Variants in ANKRD30A observed in about 807,000 individuals in gnomAD.
ANKRD30A encodes the protein ankyrin repeat domain-containing protein 30A.
ANKRD30A carries 170 observed loss-of-function variants against 166.3 expected under a neutral mutation model. That is an observed-to-expected ratio of 1.02 (90% confidence interval 0.90 to 1.16). The LOEUF (loss-of-function observed/expected upper bound fraction) is 1.16, where lower values mean the gene tolerates loss of function less well. Among genes scored for constraint, ANKRD30A ranks in the 50% most tolerant of loss-of-function variants. The pLI is 0.00. For synonymous variants in ANKRD30A, 564 were observed against 508.9 expected (o/e 1.11, Z -1.46); for missense variants, 1,630 against 1,518.0 (o/e 1.07, Z -1.23).
chr10:37,237,071 A>T (rs1472911402), downstream of ANKRD30A, among the ~76,000 whole-genome samples: 10 of 152,212 alleles, frequency 6.6e-5, no homozygotes, highest in African/African-American at 2.4e-4. Flanking sequence ...TTGCACCTAA[A>T]CATGATTGAG....
chr10:37,226,612 T>C (rs1843166773), intron 34 of ANKRD30A, among the ~76,000 whole-genome samples: 1 of 151,894 alleles, frequency 6.6e-6, no homozygotes, highest in African/African-American at 2.4e-5. Context: ...GATCTTTAGG[T>C]TGTTTCCATT....
rs570262901 is a variant in ANKRD30A, at chr10:37,194,977, T to C, written c.2614+1719T>C. On this transcript the variant is annotated intron_variant, in intron 27 of 35. Coordinates refer to ENST00000361713, the MANE Select transcript of ANKRD30A (RefSeq NM_052997.3). ...TCCAATATGCATTACAACTGTTAGT[T>C]GTTAACCATGAAAATTATGACATTG... 4.3e-4 allele frequency among the ~76,000 whole-genome samples: 65 copies of C among 152,162 alleles called. 2 individuals are homozygous for C. The East Asian group carries it at 7.9e-3, about 18-fold the overall frequency.
the ANKRD30A span, among the ~76,000 whole-genome samples, chr10:37,254,808 G>A: frequency 2.0e-5 from 3 of 150,566 alleles, no homozygotes; most frequent in Non-Finnish European, 1.5e-5. Context: ...CTCAGCTTCC[G>A]AGTAGCTGGG....
Position 37,129,948 on chromosome 10 carries a change from G to A in ANKRD30A, c.277G>A (p.Val93Ile), listed in dbSNP as rs763623721. 7 of 1,578,994 alleles carry A rather than the reference G, an allele frequency of 4.4e-6. No individual in the cohort carries two copies. The highest frequency in any genetic ancestry group is 6.0e-6 in the Non-Finnish European group (7 of 1,160,424). ...CCATGAGGAAGTAGTAACATTTCTGGTAGACAGAAAGTGCCAGCTTGACGT... is the reference window on the plus strand; with the variant it reads ...CCATGAGGAAGTAGTAACATTTCTGATAGACAGAAAGTGCCAGCTTGACGT... The part of the protein sequence containing the change: ...NGHEEVVTFL[V>I]DRKCQLDVLD... Residue 93 changes from valine (V) to isoleucine (I), a missense_variant, in exon 2 of 36, where the codon GTA becomes ATA. Around this residue, in one of 4 missense-constraint regions of ANKRD30A, gnomAD observed 904 missense variants for 818.5 expected, o/e 1.10. Coordinates refer to ENST00000361713, the MANE Select transcript of ANKRD30A (RefSeq NM_052997.3).
intron 27 of ANKRD30A, among the ~76,000 whole-genome samples, chr10:37,196,076 G>GT (rs1416561633): frequency 1.4e-5 from 2 of 146,570 alleles, no homozygotes; most frequent in African/African-American, 2.5e-5. Flanking sequence ...AGAGTTAGAG[G>GT]TTTTTTTATA....
chr10:37,250,697 C>A, the ANKRD30A span, among the ~76,000 whole-genome samples: 1 of 152,036 alleles, frequency 6.6e-6, no homozygotes, highest in Non-Finnish European at 1.5e-5. Flanking sequence ...GCTTATTGCC[C>A]CCTGCGCCAT....
intron 6 of ANKRD30A, among the ~76,000 whole-genome samples, chr10:37,138,570 T>C (rs1366709389): frequency 1.3e-5 from 2 of 152,094 alleles, no homozygotes; most frequent in Non-Finnish European, 2.9e-5. Flanking sequence ...ACGAGAACTA[T>C]GTGACGAATG....
chr10:37,216,251 T>C lies in ANKRD30A; in HGVS notation c.2940T>C (p.Asp980=), dbSNP rs57914746. 0.17 allele frequency: 271,235 copies of C among 1,606,044 alleles called. 24,810 individuals are homozygous for C. The highest frequency in any genetic ancestry group is 0.29 in the African/African-American group (21,354 of 74,360). The part of the protein sequence containing the change: ...SCERARELQK[D]HCEQRTGKME... ...AAAGAGCAAGGGAACTTCAAAAAGA[T>C]CACTGTGAACAACGTACAGGAAAAA... Residue 980 remains aspartate, a synonymous_variant, in exon 32 of 36, where the codon GAT becomes GAC. Transcript: ENST00000361713.
Position 37,194,833 on chromosome 10 carries a change from A to C in ANKRD30A, c.2614+1575A>C, listed in dbSNP as rs552533267. 9.5e-4 allele frequency among the ~76,000 whole-genome samples: 145 copies of C among 152,250 alleles called. 2 individuals are homozygous for C. The East Asian group carries it at 0.011, about 12-fold the overall frequency. On this transcript the variant is annotated intron_variant, in intron 27 of 35. Transcript: ENST00000361713. ...GTCTTTTCTAGCCACTAAAAGTCGA[A>C]ATTAAATGGCAGCTGATATCACAGA...
In ANKRD30A at chr10:37,193,096, A is replaced by T. The variant is rs1588889772; in HGVS notation, c.2541+4A>T. 1 of 1,604,192 alleles carries T rather than the reference A, an allele frequency of 6.2e-7. No homozygotes were observed. Among genetic ancestry groups the T allele is most frequent in the Non-Finnish European group, 8.5e-7 (1 of 1,171,876 alleles). ...TGATAATGATGGTTTTCTGAAGGTAATAACTTTTATATTTTTATCTTGAGT... is the reference window on the plus strand; with the variant it reads ...TGATAATGATGGTTTTCTGAAGGTATTAACTTTTATATTTTTATCTTGAGT... On this transcript the variant is annotated splice_donor_region_variant and intron_variant, in intron 26 of 35. Transcript: ENST00000361713.
Position 37,199,732 on chromosome 10 carries a change from A to G in ANKRD30A, c.2722A>G (p.Met908Val). The G allele has an allele frequency of 6.4e-7, 1 of 1,573,006 alleles. No individual in the cohort carries two copies. Among genetic ancestry groups the G allele is most frequent in the Non-Finnish European group, 8.7e-7 (1 of 1,148,024 alleles). ...KNEQTLRADQ[M>V]FPSESKQKKV... ...CTGTGATTAACCTTTTATAGATCAG[A>G]TGTTCCCTTCAGAATCAAAACAAAA... The change falls in exon 30 of 36, where the codon ATG becomes GTG. Residue 908 changes from methionine (M) to valine (V), a missense_variant. Transcript: ENST00000361713.
intron 34 of ANKRD30A, 113 bp from the exon 35 acceptor site, chr10:37,231,348 A>C (rs774323821): frequency 3.8e-6 from 3 of 781,202 alleles, no homozygotes; most frequent in Non-Finnish European, 5.8e-6. Context: ...GCACGGCTTA[A>C]TGGGAAATGT....
chr10:37,141,139 A>G (rs1242192320), intron 6 of ANKRD30A, among the ~76,000 whole-genome samples: 2 of 151,790 alleles, frequency 1.3e-5, no homozygotes, highest in South Asian at 2.1e-4. Flanking sequence ...TTTTTTTATT[A>G]TTTGTTACTT....
intron 29 of ANKRD30A, among the ~76,000 whole-genome samples, chr10:37,199,317 C>A (rs375470449): frequency 6.6e-6 from 1 of 151,722 alleles, no homozygotes. Flanking sequence ...TGAAGAACTG[C>A]GTAATAGAGA....
In ANKRD30A at chr10:37,141,713, G is replaced by A. The variant is rs1837136608; in HGVS notation, c.821-5G>A. 1 of 1,611,624 alleles carries A rather than the reference G, an allele frequency of 6.2e-7. No individual in the cohort carries two copies. Among genetic ancestry groups the A allele is most frequent in the Non-Finnish European group, 8.5e-7 (1 of 1,179,780 alleles). Reference sequence around the variant, plus strand: ...GAAAATTTAACCAGATTGTGTGTTTGGCAGAAGGAACATCTGCAGGAACAC... The same window carrying A: ...GAAAATTTAACCAGATTGTGTGTTTAGCAGAAGGAACATCTGCAGGAACAC... On this transcript the variant is annotated splice_region_variant and splice_polypyrimidine_tract_variant and intron_variant, in intron 6 of 35. Transcript: ENST00000361713.
chr10:37,210,375 A>T (rs180715474), intron 31 of ANKRD30A, among the ~76,000 whole-genome samples: 1 of 152,288 alleles, frequency 6.6e-6, no homozygotes, highest in Admixed American at 6.5e-5. Context: ...ATTGATGGAC[A>T]TTTGAGTTGG....
rs1038416763 is a variant in ANKRD30A at position 37,142,711 on chromosome 10, C to A, written c.1393+421C>A. On this transcript the variant is annotated intron_variant, in intron 7 of 35. Transcript: ENST00000361713. Reference sequence around the variant, plus strand: ...TCATGTGATTATCCTGCCTTAGCCTCCCAAGTAGCTAGGATTACACGTGCC... The same window carrying A: ...TCATGTGATTATCCTGCCTTAGCCTACCAAGTAGCTAGGATTACACGTGCC... Among the ~76,000 whole-genome samples the A allele has an allele frequency of 2.6e-5, 4 of 151,202 alleles. No homozygotes were observed. The South Asian group carries it at 8.4e-4, about 32-fold the overall frequency.
chr10:37,190,459 A>G (rs1840454988), intron 25 of ANKRD30A, among the ~76,000 whole-genome samples: 1 of 151,804 alleles, frequency 6.6e-6, no homozygotes, highest in South Asian at 2.1e-4. Flanking sequence ...GAGCAATGCA[A>G]TAGAAATTAT....
chr10:37,162,788 A>T lies in ANKRD30A; in HGVS notation c.1942A>T (p.Met648Leu). Residue 648 changes from methionine (M) to leucine (L), a missense_variant, in exon 17 of 36, where the codon ATG (methionine) becomes TTG (leucine). Coordinates refer to ENST00000361713, the MANE Select transcript of ANKRD30A (RefSeq NM_052997.3). ...CAACCCCATTTAGCCTGCCACTGAAATGCAAAAGTCTGTCCCAAATAAAGC... is the reference window on the plus strand; with the variant it reads ...CAACCCCATTTAGCCTGCCACTGAATTGCAAAAGTCTGTCCCAAATAAAGC... Reference protein sequence around the residue: ...KPSAFEPATEMQKSVPNKALE... With the variant: ...KPSAFEPATELQKSVPNKALE... The T allele has an allele frequency of 2.5e-6, 4 of 1,613,788 alleles. No individual in the cohort carries two copies. Among genetic ancestry groups the T allele is most frequent in the Non-Finnish European group, 3.4e-6 (4 of 1,179,806 alleles).
Sources: gnomAD v4.1 joint callset for allele counts (sites outside exome capture counted in the v4.1 genomes callset) on GRCh38, gnomAD v4.1.1 for gene constraint, gnomAD v4.1.1 regional missense constraint, MANE v1.5 for transcripts, NCBI Gene and HGNC (gene_info 2026-07-23, HGNC 2026-07-21) for gene names.